Variants in GAREM1 observed in about 807,000 individuals in gnomAD.
GAREM1 encodes the protein GRB2-associated and regulator of MAPK protein 1.
GAREM1 carries 26 observed loss-of-function variants against 71.3 expected under a neutral mutation model. That is an observed-to-expected ratio of 0.36 (90% CI 0.27 to 0.51). The LOEUF is 0.51. GAREM1 is among the 20% of genes least tolerant of loss of function. The probability of loss-of-function intolerance (pLI) is 0.95; values close to 1 mark genes in which losing one functional copy is unlikely to be tolerated. For synonymous variants in GAREM1, 440 were observed against 433.2 expected (o/e 1.02, Z -0.20); for missense variants, 1,026 against 1,103.1 (o/e 0.93, Z 0.99).
intron 2 of GAREM1, among the ~76,000 whole-genome samples, chr18:32,375,352 A>G (rs1489178217): frequency 2.0e-5 from 3 of 152,192 alleles, no homozygotes; most frequent in Non-Finnish European, 4.4e-5. Flanking sequence ...GTGAGGCTGT[A>G]AAACCTAAGC....
chr18:32,437,743 C>T (rs2048693076), intron 1 of GAREM1, among the ~76,000 whole-genome samples: 1 of 152,104 alleles, frequency 6.6e-6, no homozygotes, highest in Non-Finnish European at 1.5e-5. Flanking sequence ...AAAAAAATGA[C>T]ACTTCAGTGG....
At chr18:32,304,070 G>A (rs2144506054) in intron 3 of GAREM1, among the ~76,000 whole-genome samples, 1 of 152,236 alleles carries the variant, frequency 6.6e-6, no homozygotes, top group South Asian at 2.1e-4. Flanking sequence ...ACTTTGGGAG[G>A]CCGAGGAGGG....
chr18:32,436,809 T>C (rs2048683971), intron 1 of GAREM1, among the ~76,000 whole-genome samples: 1 of 152,204 alleles, frequency 6.6e-6, no homozygotes, highest in East Asian at 1.9e-4. Flanking sequence ...TGGGAGGTAC[T>C]GAAAGGACAG....
Position 32,454,616 on chromosome 18 carries a change from G to T in GAREM1, c.121+15692C>A, listed in dbSNP as rs114083765. Among the ~76,000 whole-genome samples the T allele has an allele frequency of 1.3e-3, 202 of 152,202 alleles. 2 individuals carry two copies. Among genetic ancestry groups the T allele is most frequent in the African/African-American group, 4.7e-3 (195 of 41,508 alleles). On this transcript the variant is annotated intron_variant, in intron 1 of 5. Transcript: ENST00000269209. The stretch of plus-strand genomic sequence containing the variant: ...AAATATAATTCACTAAGTCTTAAAA[G>T]TAGGACATATTCTCATATTCTGGGT...
At chr18:32,275,072 G>A (rs558063379) in intron 4 of GAREM1, among the ~76,000 whole-genome samples, 16 of 151,782 alleles carry the variant, frequency 1.1e-4, no homozygotes, top group Non-Finnish European at 2.1e-4. Flanking sequence ...TTTTTTTGGT[G>A]ACCCTGAGTC....
chr18:32,464,283 A>G (rs1490235389), intron 1 of GAREM1, among the ~76,000 whole-genome samples: 1 of 152,048 alleles, frequency 6.6e-6, no homozygotes, highest in Non-Finnish European at 1.5e-5. Context: ...ACAAAAAGAA[A>G]AAAAAAAGAT....
intron 4 of GAREM1, 137 bp from the exon 5 acceptor site, chr18:32,270,520 A>C (rs927459608): frequency 1.5e-6 from 1 of 676,936 alleles, no homozygotes; most frequent in African/African-American, 1.8e-5. Context: ...AGAAGATTGA[A>C]GTAAACAAGA....
chr18:32,316,146 T>C (rs2047376096), intron 2 of GAREM1, among the ~76,000 whole-genome samples: 2 of 152,202 alleles, frequency 1.3e-5, no homozygotes, highest in Admixed American at 1.3e-4. Context: ...TGGGAGCATG[T>C]ATAAGAAATT....
chr18:32,271,349 T>C (rs1050378369), intron 4 of GAREM1, among the ~76,000 whole-genome samples: 9 of 152,078 alleles, frequency 5.9e-5, no homozygotes, highest in African/African-American at 2.2e-4. Flanking sequence ...CCTGCCATCA[T>C]GCCCGGCTAA....
intron 1 of GAREM1, among the ~76,000 whole-genome samples, chr18:32,405,182 T>C (rs979881314): frequency 3.9e-5 from 6 of 152,082 alleles, no homozygotes; most frequent in African/African-American, 9.7e-5. Context: ...ACTGTACTTC[T>C]CTTACAATTT....
intron 1 of GAREM1, among the ~76,000 whole-genome samples, chr18:32,407,723 C>A (rs536971142): frequency 3.7e-4 from 56 of 152,112 alleles, no homozygotes; most frequent in Non-Finnish European, 7.2e-4. Flanking sequence ...CCATCTGAGA[C>A]CCTGAAGGGA....
chr18:32,314,770 G>C (rs981647146), intron 2 of GAREM1, among the ~76,000 whole-genome samples: 2 of 151,946 alleles, frequency 1.3e-5, no homozygotes, highest in African/African-American at 4.8e-5. Context: ...TGTATTTTTA[G>C]TAGAGGCAGG....
intron 1 of GAREM1, among the ~76,000 whole-genome samples, chr18:32,456,868 A>G (rs1011610986): frequency 6.6e-6 from 1 of 152,268 alleles, no homozygotes; most frequent in East Asian, 1.9e-4. Flanking sequence ...ATGAATTTCA[A>G]TTATACCAGA....
chr18:32,425,825 A>G (rs1488738721), intron 1 of GAREM1, among the ~76,000 whole-genome samples: 1 of 152,114 alleles, frequency 6.6e-6, no homozygotes, highest in Non-Finnish European at 1.5e-5. Context: ...GAGAAAGAAA[A>G]CAGTTGTTCA....
chr18:32,466,492 G>A (rs1223616717), intron 1 of GAREM1, among the ~76,000 whole-genome samples: 2 of 152,130 alleles, frequency 1.3e-5, no homozygotes, highest in Non-Finnish European at 1.5e-5. Flanking sequence ...AGAATGAAAA[G>A]TTTTAGCATT....
chr18:32,373,315 A>G (rs1329197893), intron 2 of GAREM1, among the ~76,000 whole-genome samples: 2 of 152,192 alleles, frequency 1.3e-5, no homozygotes, highest in Non-Finnish European at 2.9e-5. Context: ...GTAAAAACTA[A>G]GTCCCATTTG....
intron 1 of GAREM1, among the ~76,000 whole-genome samples, chr18:32,395,074 C>T (rs946323307): frequency 1.3e-5 from 2 of 152,128 alleles, no homozygotes; most frequent in Non-Finnish European, 2.9e-5. Context: ...GTTATATTAA[C>T]CTTTAAAAGT....
At chr18:32,334,324 G>A (rs1315891895) in intron 2 of GAREM1, among the ~76,000 whole-genome samples, 2 of 151,822 alleles carry the variant, frequency 1.3e-5, no homozygotes, top group South Asian at 2.1e-4. Flanking sequence ...TAAAACACAC[G>A]ACACCCCGAG....
At chr18:32,286,959 A>C (rs1271240197) in intron 4 of GAREM1, 72 bp downstream of exon 4, 1 of 1,180,228 alleles carries the variant, frequency 8.5e-7, no homozygotes, top group African/African-American at 1.5e-5. Context: ...AGTTTTAAGA[A>C]AATAAATTAG....
Sources: gnomAD v4.1 joint callset for allele counts (sites outside exome capture counted in the v4.1 genomes callset) on GRCh38, gnomAD v4.1.1 for gene constraint, MANE v1.5 for transcripts, NCBI Gene and HGNC (gene_info 2026-07-23, HGNC 2026-07-21) for gene names.